Variants in TTC6 observed in about 807,000 individuals in gnomAD.
TTC6 encodes the protein tetratricopeptide repeat protein 6.
TTC6 carries 172 observed loss-of-function variants against 210.4 expected under a neutral mutation model. The observed-to-expected ratio is 0.82, with a 90% CI of 0.72 to 0.93. TTC6 has a LOEUF of 0.93. Ranked by LOEUF, TTC6 falls within the 40% of genes least tolerant of loss-of-function variation. The pLI, the probability that TTC6 is intolerant of heterozygous loss-of-function variation, is 0.00. For synonymous variants in TTC6, 804 were observed against 819.6 expected (o/e 0.98, Z 0.32); for missense variants, 2,414 against 2,318.1 (o/e 1.04, Z -0.85).
chr14:37,688,385 A>G (rs768555264), intron 3 of TTC6, among the ~76,000 whole-genome samples: 5 of 152,132 alleles, frequency 3.3e-5, no homozygotes, highest in Non-Finnish European at 7.4e-5. Flanking sequence ...TGCAAATGAC[A>G]TAGGTCTGGC....
intron 1 of TTC6, among the ~76,000 whole-genome samples, chr14:37,665,756 G>A (rs2095746716): frequency 2.0e-5 from 3 of 150,512 alleles, no homozygotes; most frequent in Admixed American, 6.6e-5. Flanking sequence ...GCAGGGCCAA[G>A]CTGAGCTTGT....
At chr14:37,688,179 A>G (rs2095797421) in intron 3 of TTC6, among the ~76,000 whole-genome samples, 1 of 152,158 alleles carries the variant, frequency 6.6e-6, no homozygotes, top group Non-Finnish European at 1.5e-5. Flanking sequence ...TGGGCCTGAG[A>G]TGGCGGTGGC....
intron 24 of TTC6, among the ~76,000 whole-genome samples, chr14:37,810,285 G>A (rs1329404636): frequency 6.6e-6 from 1 of 152,206 alleles, no homozygotes; most frequent in Non-Finnish European, 1.5e-5. Context: ...TGCCGGAAAG[G>A]TAACCCTGAA....
intron 3 of TTC6, among the ~76,000 whole-genome samples, chr14:37,693,218 A>G (rs1047723955): frequency 6.6e-6 from 1 of 152,230 alleles, no homozygotes; most frequent in Admixed American, 6.5e-5. Context: ...AAAAGTTGAC[A>G]TGCAAAAATC....
chr14:37,710,905 A>G (rs1210055478), intron 5 of TTC6, among the ~76,000 whole-genome samples: 2 of 152,122 alleles, frequency 1.3e-5, no homozygotes, highest in African/African-American at 2.4e-5. Context: ...GGATATTCTT[A>G]TGATTAGGCT....
At chr14:37,826,684 T>C (rs1429886574) in intron 28 of TTC6, among the ~76,000 whole-genome samples, 1 of 152,124 alleles carries the variant, frequency 6.6e-6, no homozygotes, top group Admixed American at 6.6e-5. Context: ...GAGAGAACAA[T>C]GTAAATCCCC....
chr14:37,732,012 T>C (rs2095887505), intron 7 of TTC6, among the ~76,000 whole-genome samples: 2 of 152,094 alleles, frequency 1.3e-5, no homozygotes, highest in Admixed American at 1.3e-4. Context: ...CCTTGAACAA[T>C]GTGAGGGTTG....
exon 1 of TTC6, chr14:37,622,632 G>C (rs777323568): frequency 6.5e-7 from 1 of 1,535,182 alleles, no homozygotes; most frequent in South Asian, 1.2e-5. Context: ...ACAGAGCCAG[G>C]AGGTAGCTCC....
chr14:37,789,340 G>GTT (rs11399268), intron 15 of TTC6, among the ~76,000 whole-genome samples: 3 of 151,202 alleles, frequency 2.0e-5, no homozygotes, highest in Middle Eastern at 6.8e-3. Context: ...CTTAAGAAGA[G>GTT]TTTTTTTATT....
chr14:37,802,341 G>T (rs1371155106), intron 20 of TTC6: 1 of 151,920 alleles, frequency 6.6e-6, no homozygotes, highest in Non-Finnish European at 1.5e-5. Context: ...CATGGCACGT[G>T]TTTACCTTTG....
At chr14:37,622,846 A>T in exon 1 of TTC6, 1 of 1,534,228 alleles carries the variant, frequency 6.5e-7, no homozygotes, top group Non-Finnish European at 8.7e-7. Context: ...GACGCGCGGG[A>T]GGCCGCCTGG....
chr14:37,725,298 A>ATGTG lies in TTC6; in HGVS notation c.1818+308_1818+311dup, dbSNP rs61712288. Among the ~76,000 whole-genome samples the ATGTG allele has an allele frequency of 7.3e-3, 471 of 64,180 alleles. 7 individuals are homozygous for ATGTG. The highest frequency in any genetic ancestry group is 0.015 in the African/African-American group (243 of 15,908). The allele number at this position is 64,180 out of a possible 152,430, so 42.1% of individuals were successfully genotyped here. ...ATATATAAAATTTATATATGTATGTATGTGTGTGTGTGTGTATATATATAT... is the reference window on the plus strand; with the variant it reads ...ATATATAAAATTTATATATGTATGTATGTGTGTGTGTGTGTGTGTATATATATAT... On this transcript the variant is annotated intron_variant, in intron 7 of 30. Coordinates refer to ENST00000553443, the Ensembl canonical transcript of TTC6.
chr14:37,820,941 TCTTCTCCTCCTC>T (rs1230596902), intron 26 of TTC6, among the ~76,000 whole-genome samples: 2 of 138,650 alleles, frequency 1.4e-5, no homozygotes, highest in African/African-American at 6.0e-5. Flanking sequence ...TCCTCCTCCT[TCTTCTCCTCCTC>T]CTTCTCCTCC....
intron 2 of TTC6, among the ~76,000 whole-genome samples, chr14:37,607,346 T>C (rs1287747959): frequency 6.6e-6 from 1 of 152,196 alleles, no homozygotes; most frequent in Non-Finnish European, 1.5e-5. Flanking sequence ...ACATTAAGTC[T>C]AGAGCTCAGT....
chr14:37,632,014 C>T (rs1269698532), intron 1 of TTC6, among the ~76,000 whole-genome samples: 1 of 152,120 alleles, frequency 6.6e-6, no homozygotes, highest in Non-Finnish European at 1.5e-5. Context: ...AGCAATTCCT[C>T]TAACCTTTTT....
intron 14 of TTC6, among the ~76,000 whole-genome samples, chr14:37,785,479 AG>A (rs1221404844): frequency 6.6e-6 from 1 of 152,178 alleles, no homozygotes; most frequent in Non-Finnish European, 1.5e-5. Flanking sequence ...AGGTCATTTA[AG>A]GTCTTCTCTA....
intron 1 of TTC6, among the ~76,000 whole-genome samples, chr14:37,657,212 CAAAAAA>C (rs61052302): frequency 8.4e-5 from 3 of 35,620 alleles, no homozygotes; most frequent in African/African-American, 1.9e-4. Flanking sequence ...AACTCTGTCT[CAAAAAA>C]AAAAAAAAAA....
intron 1 of TTC6, among the ~76,000 whole-genome samples, chr14:37,599,889 G>C (rs1013321145): frequency 3.9e-5 from 6 of 152,112 alleles, no homozygotes; most frequent in African/African-American, 1.2e-4. Context: ...GTCTCCCGCC[G>C]TTGTGGCCCC....
chr14:37,794,524 A>G (rs35190835), intron 17 of TTC6, among the ~76,000 whole-genome samples: 5,083 of 150,972 alleles, frequency 0.034, 137 homozygotes, highest in Non-Finnish European at 0.052. Flanking sequence ...AGTTGTACAA[A>G]TTCAGTTTCT....
Sources: gnomAD v4.1 joint callset for allele counts (sites outside exome capture counted in the v4.1 genomes callset) on GRCh38, gnomAD v4.1.1 for gene constraint, MANE v1.5 for transcripts, NCBI Gene and HGNC (gene_info 2026-07-23, HGNC 2026-07-21) for gene names.